Variants in ZBED4 observed in about 807,000 individuals in gnomAD.
ZBED4 encodes zinc finger BED-type containing 4.
A neutral mutation model predicts 15.5 loss-of-function variants in ZBED4; 4 were observed. That is an observed-to-expected ratio of 0.26 (90% confidence interval 0.13 to 0.59). The LOEUF (loss-of-function observed/expected upper bound fraction) is 0.59, where lower values mean the gene tolerates loss of function less well. Among genes scored for constraint, ZBED4 ranks in the 20% least tolerant of loss-of-function variants. The probability of loss-of-function intolerance (pLI) is 0.90; values close to 1 mark genes in which losing one functional copy is unlikely to be tolerated. For synonymous variants in ZBED4, 692 were observed against 608.5 expected (o/e 1.14, Z -2.02); for missense variants, 1,323 against 1,461.8 (o/e 0.91, Z 1.55).
At position 49,884,570 on chromosome 22, in the gene ZBED4, A is replaced by G. The variant is rs140162335; in HGVS notation, c.908A>G (p.Lys303Arg). 1.9e-6 allele frequency: 3 copies of G among 1,613,132 alleles called. No homozygotes were observed. Among genetic ancestry groups the G allele is most frequent in the East Asian group, 4.5e-5 (2 of 44,888 alleles). Residue 303 changes from lysine (K) to arginine (R), a missense_variant, in exon 2 of 2, where the codon AAA becomes AGA. By Grantham distance (26) the Lys-to-Arg change is conservative. Transcript: ENST00000216268. ...HFYLSPLDNS[K>R]AVCIHCMNEF... ...TACCTGTCGCCACTGGACAACTCCA[A>G]AGCTGTCTGCATTCACTGCATGAAC...
chr22:49,884,563 A>C lies in ZBED4; in HGVS notation c.901A>C (p.Asn301His), dbSNP rs980759467. 1.2e-6 allele frequency: 2 copies of C among 1,613,358 alleles called. No homozygotes were observed. The highest frequency in any genetic ancestry group is 1.7e-6 in the Non-Finnish European group (2 of 1,179,590). ...WKHFYLSPLD[N>H]SKAVCIHCMN... is the part of the protein sequence containing the mutation. The stretch of plus-strand genomic sequence containing the variant: ...GCACTTCTACCTGTCGCCACTGGAC[A>C]ACTCCAAAGCTGTCTGCATTCACTG... Residue 301 changes from asparagine (N) to histidine (H), a missense_variant, in exon 2 of 2, where the codon AAC becomes CAC. Asn to His is a moderately conservative substitution (Grantham distance 68). Around this residue, in one of 6 missense-constraint regions of ZBED4, gnomAD observed 380 missense variants for 413.7 expected, o/e 0.92. Coordinates refer to ENST00000216268, the MANE Select transcript of ZBED4 (RefSeq NM_014838.3).
At chr22:49,859,796 T>G (rs1169718305) in intron 1 of ZBED4, among the ~76,000 whole-genome samples, 1 of 152,224 alleles carries the variant, frequency 6.6e-6, no homozygotes, top group African/African-American at 2.4e-5. Context: ...GAGGCTGAGG[T>G]GGGGAGACCA....
rs200066649 is a variant in ZBED4, at chr22:49,884,831, C to T, written c.1169C>T (p.Pro390Leu). The T allele has an allele frequency of 1.3e-4, 206 of 1,610,654 alleles. No homozygotes were observed. The highest frequency in any genetic ancestry group is 1.6e-4 in the Non-Finnish European group (188 of 1,177,536). The change falls in exon 2 of 2, where the codon CCT becomes CTT. Residue 390 changes from proline to leucine, a missense_variant. Transcript: ENST00000216268. ...VRESPSASSSPDRLTEDLQSH... is the reference protein window; with the variant it reads ...VRESPSASSSLDRLTEDLQSH... ...GAGTCCCCTTCGGCCTCCTCCTCCC[C>T]TGACAGGCTGACTGAGGACTTGCAG...
chr22:49,862,358 G>T (rs1406724740), intron 1 of ZBED4, among the ~76,000 whole-genome samples: 3 of 152,222 alleles, frequency 2.0e-5, no homozygotes, highest in Non-Finnish European at 1.5e-5. Flanking sequence ...TCTCACCGTG[G>T]CCTGCAAGTA....
At chr22:49,855,350 C>CCTGG (rs1401053237) in intron 1 of ZBED4, among the ~76,000 whole-genome samples, 1 of 152,156 alleles carries the variant, frequency 6.6e-6, no homozygotes, top group East Asian at 1.9e-4. Flanking sequence ...TCTCCCCCAA[C>CCTGG]ACACACTCTT....
intron 1 of ZBED4, among the ~76,000 whole-genome samples, chr22:49,874,093 C>T (rs1187311410): frequency 6.6e-6 from 1 of 152,182 alleles, no homozygotes. Flanking sequence ...ATGGCCCTGT[C>T]GTCTGCCCAT....
intron 1 of ZBED4, among the ~76,000 whole-genome samples, chr22:49,882,368 G>A (rs1333317513): frequency 6.6e-6 from 1 of 152,182 alleles, no homozygotes; most frequent in Non-Finnish European, 1.5e-5. Flanking sequence ...ACTGAGCTGT[G>A]GTCACGCCAC....
At position 49,880,028 on chromosome 22, in the gene ZBED4, A is replaced by T. The variant is rs115021822; in HGVS notation, c.-329-3306A>T. On this transcript the variant is annotated intron_variant, in intron 1 of 1. Coordinates refer to ENST00000216268, the MANE Select transcript of ZBED4 (RefSeq NM_014838.3). ...GTTTTTGTCAGCCATTTTGTATTTT[A>T]CTTTATTGGGTGCAGGATTTTGTTA... 8.2e-3 allele frequency among the ~76,000 whole-genome samples: 1,239 copies of T among 151,504 alleles called. 20 individuals are homozygous for T. The highest frequency in any genetic ancestry group is 0.029 in the African/African-American group (1,200 of 41,416).
intron 1 of ZBED4, among the ~76,000 whole-genome samples, chr22:49,873,791 G>A (rs894989433): frequency 3.3e-5 from 5 of 152,226 alleles, no homozygotes; most frequent in African/African-American, 1.2e-4. Context: ...TGAGATGTCT[G>A]TTTTGAAGAG....
chr22:49,878,591 A>G (rs988211338), intron 1 of ZBED4, among the ~76,000 whole-genome samples: 1 of 152,222 alleles, frequency 6.6e-6, no homozygotes, highest in African/African-American at 2.4e-5. Context: ...AGATCTAAAT[A>G]TAAAACTTAA....
Position 49,885,665 on chromosome 22 carries a change from T to A in ZBED4, c.2003T>A (p.Leu668His). The A allele has an allele frequency of 6.2e-7, 1 of 1,612,940 alleles. No individual in the cohort carries two copies. The highest frequency in any genetic ancestry group is 8.5e-7 in the Non-Finnish European group (1 of 1,178,972). Residue 668 changes from leucine to histidine, a missense_variant, in exon 2 of 2, where the codon CTT (leucine) becomes CAT (histidine). Leu to His is a moderately conservative substitution (Grantham distance 99). Coordinates refer to ENST00000216268, the MANE Select transcript of ZBED4 (RefSeq NM_014838.3). ...AGTCTCATAGCTGAAATGATTGCAC[T>A]TGACCTCCAGCCATATTCTTTTGTA... ...ITSLIAEMIA[L>H]DLQPYSFVDN... is the part of the protein sequence containing the mutation.
rs781440994 is a variant in ZBED4, at chr22:49,884,914, G to A, written c.1252G>A (p.Asp418Asn). ...AGACGTGGCGGCCTTCTCATCTTCC[G>A]ATGACATAGGGGAGGCCTCGGCGTC... The part of the protein sequence containing the change: ...MEDVAAFSSS[D>N]DIGEASASSP... Residue 418 changes from aspartate to asparagine, a missense_variant, in exon 2 of 2, where the codon GAT becomes AAT. Physicochemically the swap from Asp to Asn is conservative, Grantham distance 23. Around this residue, in one of 6 missense-constraint regions of ZBED4, gnomAD observed 429 missense variants for 397.9 expected, o/e 1.08. Transcript: ENST00000216268. 11 of 1,602,642 alleles carry A rather than the reference G, an allele frequency of 6.9e-6. No individual in the cohort carries two copies. The highest frequency in any genetic ancestry group is 1.7e-4 in the Middle Eastern group (1 of 6,030).
Position 49,885,762 on chromosome 22 carries a change from C to T in ZBED4, c.2100C>T (p.Phe700=), listed in dbSNP as rs943065745. ...ACTCCCTCCCCGCCCCTTCCTACTT[C>T]TCCAGGACAGCTATCCCAGGTATGT... ...PQYSLPAPSY[F]SRTAIPGMYD... The change falls in exon 2 of 2, where the codon TTC becomes TTT. Residue 700 remains phenylalanine (F), a synonymous_variant. Coordinates refer to ENST00000216268, the MANE Select transcript of ZBED4 (RefSeq NM_014838.3). The T allele has an allele frequency of 6.2e-7, 1 of 1,605,596 alleles. No individual in the cohort carries two copies. The highest frequency in any genetic ancestry group is 1.3e-5 in the African/African-American group (1 of 74,700).
chr22:49,883,899 T>A lies in ZBED4; in HGVS notation c.237T>A (p.Ser79Arg), dbSNP rs886935760. The part of the protein sequence containing the change: ...KPPGKYLSAE[S>R]EDDYGALFSQ... ...CGGGGAAGTACTTGTCTGCAGAGAG[T>A]GAGGATGACTATGGCGCGCTGTTCT... Residue 79 changes from serine (S) to arginine (R), a missense_variant, in exon 2 of 2, where the codon AGT (serine) becomes AGA (arginine). By Grantham distance (110) the Ser-to-Arg change is moderately radical. Transcript: ENST00000216268. The A allele has an allele frequency of 2.5e-6, 4 of 1,604,832 alleles. No individual in the cohort carries two copies. The highest frequency in any genetic ancestry group is 1.3e-5 in the African/African-American group (1 of 74,238).
Position 49,886,303 on chromosome 22 carries a change from C to G in ZBED4, c.2641C>G (p.Gln881Glu), listed in dbSNP as rs2060438604. ...GCTGCAGAGGGAGTACGCGCTGCCT[C>G]AGCATCACCTCATCCAGGACGTCCC... ...AELQREYALPQHHLIQDVPSK... is the reference protein window; with the variant it reads ...AELQREYALPEHHLIQDVPSK... Residue 881 changes from glutamine (Q) to glutamate (E), a missense_variant, in exon 2 of 2, where the codon CAG (glutamine) becomes GAG (glutamate). Gln to Glu is a conservative substitution (Grantham distance 29). This residue lies in a region of ZBED4 where 312 missense variants were observed against 410.7 expected (regional missense o/e 0.76). Transcript: ENST00000216268. The surrounding 1 kb of genome is among the most constrained non-coding windows in gnomAD (Gnocchi z 7.7). The G allele has an allele frequency of 6.5e-7, 1 of 1,543,960 alleles. No homozygotes were observed. The highest frequency in any genetic ancestry group is 8.9e-7 in the Non-Finnish European group (1 of 1,128,848).
At chr22:49,862,284 T>C (rs1478700906) in intron 1 of ZBED4, among the ~76,000 whole-genome samples, 4 of 152,196 alleles carry the variant, frequency 2.6e-5, no homozygotes, top group Admixed American at 1.3e-4. Flanking sequence ...GTCTTTCTTA[T>C]TTTTTGTGCG....
At chr22:49,881,302 T>G (rs2060408286) in intron 1 of ZBED4, among the ~76,000 whole-genome samples, 1 of 152,258 alleles carries the variant, frequency 6.6e-6, no homozygotes, top group Non-Finnish European at 1.5e-5. Context: ...TGAACTGAGA[T>G]CGTGCCGCTG....
chr22:49,868,317 AT>A (rs1715153187), intron 1 of ZBED4, among the ~76,000 whole-genome samples: 1 of 152,246 alleles, frequency 6.6e-6, no homozygotes, highest in Non-Finnish European at 1.5e-5. Flanking sequence ...AATGAATAAA[AT>A]AACTACACTT....
intron 1 of ZBED4, among the ~76,000 whole-genome samples, chr22:49,877,734 A>T (rs2060385051): frequency 6.6e-6 from 1 of 152,144 alleles, no homozygotes; most frequent in South Asian, 2.1e-4. Context: ...TCATATGGAC[A>T]TGCTTGTGTA....
Sources: allele counts gnomAD v4.1 joint callset (sites outside exome capture counted in the v4.1 genomes callset), GRCh38; gene constraint gnomAD v4.1.1; regional missense constraint gnomAD v4.1.1; non-coding constraint Gnocchi (gnomAD v3.1); transcripts MANE v1.5; gene names NCBI Gene and HGNC (gene_info 2026-07-23, HGNC 2026-07-21).